The following PCDHA2 variants were observed in gnomAD, a reference collection of about 807,000 sequenced individuals.
The protein encoded by PCDHA2 is protocadherin alpha 2, also known as protocadherin alpha-2.
PCDHA2 carries 58 observed loss-of-function variants against 66.0 expected under a neutral mutation model. The observed-to-expected ratio is 0.88, with a 90% CI of 0.71 to 1.09. PCDHA2 has a LOEUF of 1.09. Ranked by LOEUF, PCDHA2 falls within the 50% of genes least tolerant of loss-of-function variation. PCDHA2 has a pLI of 0.00. For missense variants in PCDHA2, 1,267 were observed against 1,242.3 expected, an observed-to-expected ratio of 1.02 and a Z score of -0.30; for synonymous variants, 634 against 554.0, an observed-to-expected ratio of 1.14 and a Z score of -2.03.
intron 1 of PCDHA2, chr5:140,858,332 C>T: frequency 6.3e-7 from 1 of 1,596,258 alleles, no homozygotes; most frequent in East Asian, 2.2e-5. Context: ...TGGGGAGGGC[C>T]TGCCCAAGGC....
chr5:140,923,078 G>A (rs1392146044), intron 1 of PCDHA2, among the ~76,000 whole-genome samples: 1 of 152,200 alleles, frequency 6.6e-6, no homozygotes, highest in African/African-American at 2.4e-5. Context: ...CCTCATGTCA[G>A]CACTTATTTG....
At chr5:140,836,296 A>G (rs1294221854) in intron 1 of PCDHA2, 1 of 1,613,690 alleles carries the variant, frequency 6.2e-7, no homozygotes, top group Non-Finnish European at 8.5e-7. Flanking sequence ...CGAGCCCTAG[A>G]TGAGACGGAC....
intron 1 of PCDHA2, chr5:140,811,498 A>G (rs1310095645): frequency 3.3e-5 from 5 of 152,218 alleles, no homozygotes; most frequent in African/African-American, 1.2e-4. Context: ...TAGTAGCATG[A>G]TTTATAATCC....
intron 1 of PCDHA2, among the ~76,000 whole-genome samples, chr5:140,950,257 G>A (rs1255968081): frequency 6.6e-6 from 1 of 151,952 alleles, no homozygotes; most frequent in Non-Finnish European, 1.5e-5. Context: ...AAAGAGCTGA[G>A]TTTATCCATA....
chr5:141,002,218 A>T (rs782352324), intron 3 of PCDHA2, among the ~76,000 whole-genome samples: 124 of 152,272 alleles, frequency 8.1e-4, no homozygotes, highest in Admixed American at 3.6e-3. Context: ...AATCAAAATG[A>T]TGGGTTTTCT....
chr5:140,851,370 T>C, intron 1 of PCDHA2: 2 of 979,252 alleles, frequency 2.0e-6, no homozygotes, highest in South Asian at 4.7e-5. Flanking sequence ...AACATCTGAT[T>C]GTTCAGCAAC....
At chr5:140,916,929 G>A (rs2077785456) in intron 1 of PCDHA2, among the ~76,000 whole-genome samples, 1 of 152,214 alleles carries the variant, frequency 6.6e-6, no homozygotes, top group African/African-American at 2.4e-5. Context: ...GAGCACTTAA[G>A]CATATAGTGG....
Position 140,846,956 on chromosome 5 carries a change from G to A in PCDHA2, c.2388+49604G>A, listed in dbSNP as rs144830979. On this transcript the variant is annotated intron_variant, in intron 1 of 3. Transcript: ENST00000526136. ...AGAAATACTTGAAGGGGCATGGTGT[G>A]TTTCAGTGGTTTTAAAATAAGTAAG... 2.7e-5 allele frequency among the ~76,000 whole-genome samples: 4 copies of A among 149,688 alleles called. No individual in the cohort carries two copies. In the East Asian group the frequency reaches 7.8e-4, roughly 29 times the overall value.
In PCDHA2 at chr5:141,011,598, G is replaced by A. The variant is rs530366689; in HGVS notation, c.*1661G>A. ...TTAAATCAAGATACTGGTGATTCAA[G>A]GAATTTTATTTATGGTCCAGCCAAG... On this transcript the variant is annotated 3_prime_UTR_variant, in exon 4 of 4. Transcript: ENST00000526136. 6.5e-6 allele frequency: 1 copy of A among 153,736 alleles called. No homozygotes were observed. Among genetic ancestry groups the A allele is most frequent in the Non-Finnish European group, 1.5e-5 (1 of 68,012 alleles). The allele number at this position is 153,736 out of a possible 1,614,324, so 9.5% of individuals were successfully genotyped here.
intron 1 of PCDHA2, chr5:140,857,132 G>C: frequency 6.3e-7 from 1 of 1,598,262 alleles, no homozygotes; most frequent in Non-Finnish European, 8.6e-7. Flanking sequence ...GAAAGAAGAT[G>C]CTCAAGTGGG....
chr5:140,862,358 ACG>A (rs1554156250), intron 1 of PCDHA2: 1 of 337,982 alleles, frequency 3.0e-6, no homozygotes, highest in Non-Finnish European at 5.8e-6. Context: ...CAAGGGACAG[ACG>A]ACCCGCACCC....
chr5:140,905,632 G>GCCA (rs2071986222), intron 1 of PCDHA2, among the ~76,000 whole-genome samples: 1 of 152,106 alleles, frequency 6.6e-6, no homozygotes, highest in South Asian at 2.1e-4. Flanking sequence ...TGACAGTATG[G>GCCA]TCAGTTTCAC....
intron 1 of PCDHA2, chr5:140,808,398 A>G (rs781853303): frequency 1.9e-6 from 3 of 1,614,148 alleles, no homozygotes; most frequent in Non-Finnish European, 2.5e-6. Context: ...TTCAAGAATT[A>G]CTACTCGTTG....
chr5:140,823,025 T>G, intron 1 of PCDHA2: 1 of 1,614,218 alleles, frequency 6.2e-7, no homozygotes, highest in Non-Finnish European at 8.5e-7. Flanking sequence ...CGCGAGAGCG[T>G]GTCGGTCTAT....
intron 1 of PCDHA2, among the ~76,000 whole-genome samples, chr5:140,974,533 C>T (rs540810616): frequency 1.5e-4 from 23 of 152,160 alleles, no homozygotes; most frequent in Middle Eastern, 6.8e-3. Flanking sequence ...TTTTTTGAGA[C>T]GGAGTTTTGC....
intron 1 of PCDHA2, chr5:140,849,822 G>A: frequency 6.3e-7 from 1 of 1,598,624 alleles, no homozygotes; most frequent in East Asian, 2.2e-5. Context: ...CAGGGTGTCT[G>A]TGGAGGTGGC....
intron 3 of PCDHA2, among the ~76,000 whole-genome samples, chr5:140,986,383 A>G (rs1277624649): frequency 2.6e-5 from 4 of 152,178 alleles, no homozygotes; most frequent in Admixed American, 1.3e-4. Flanking sequence ...GGGGAGGGAC[A>G]TTAAAGGGCC....
chr5:140,808,998 A>G, intron 1 of PCDHA2: 2 of 1,613,614 alleles, frequency 1.2e-6, no homozygotes, highest in Non-Finnish European at 1.7e-6. Flanking sequence ...TCGGGCTACA[A>G]CGCGTGGCTT....
At chr5:140,923,287 A>G (rs1554201330) in intron 1 of PCDHA2, among the ~76,000 whole-genome samples, 1 of 152,224 alleles carries the variant, frequency 6.6e-6, no homozygotes, top group Non-Finnish European at 1.5e-5. Context: ...AAAAATTAAA[A>G]ATTAGCTGGG....
Sources: allele counts gnomAD v4.1 joint callset (sites outside exome capture counted in the v4.1 genomes callset), GRCh38; gene constraint gnomAD v4.1.1; transcripts MANE v1.5; gene names NCBI Gene and HGNC (gene_info 2026-07-23, HGNC 2026-07-21).